Variants in FIRRM observed in about 807,000 individuals in gnomAD.
The protein encoded by FIRRM is FIGNL1-interacting regulator of recombination and mitosis.
the FIRRM span, among the ~76,000 whole-genome samples, chr1:169,835,776 C>T: frequency 6.6e-6 from 1 of 152,148 alleles, no homozygotes; most frequent in African/African-American, 2.4e-5. Flanking sequence ...CACTTACTTA[C>T]TGGACTTTAT....
the FIRRM span, among the ~76,000 whole-genome samples, chr1:169,792,282 G>A: frequency 3.3e-5 from 5 of 152,282 alleles, 1 homozygote; most frequent in Middle Eastern, 3.4e-3. Context: ...AGGATTTCCT[G>A]GGAACAATTT....
chr1:169,833,292 G>A, the FIRRM span, among the ~76,000 whole-genome samples: 55 of 151,956 alleles, frequency 3.6e-4, no homozygotes, highest in Non-Finnish European at 6.8e-4. Context: ...TGGAGGCATG[G>A]GTATGAAGTA....
chr1:169,793,964 A>C, the FIRRM span: 9 of 316,508 alleles, frequency 2.8e-5, no homozygotes, highest in African/African-American at 1.7e-4. Flanking sequence ...ATTTCACTAA[A>C]GTGTAATATT....
At chr1:169,847,313 TAAAAAAA>T in the FIRRM span, among the ~76,000 whole-genome samples, 43 of 86,338 alleles carry the variant, frequency 5.0e-4, no homozygotes, top group African/African-American at 1.1e-3. Context: ...CTTATATTTC[TAAAAAAA>T]AAAAAAAAAA....
At chr1:169,799,290 T>C in the FIRRM span, among the ~76,000 whole-genome samples, 6 of 152,222 alleles carry the variant, frequency 3.9e-5, no homozygotes, top group Non-Finnish European at 7.3e-5. Context: ...GCCTCTAACA[T>C]GTTTAGTGTC....
the FIRRM span, among the ~76,000 whole-genome samples, chr1:169,839,538 G>A: frequency 5.9e-5 from 9 of 152,156 alleles, no homozygotes; most frequent in Admixed American, 5.9e-4. Context: ...GGCCTCTTGT[G>A]TGTCTTGTTT....
At chr1:169,838,983 C>T in the FIRRM span, among the ~76,000 whole-genome samples, 3 of 152,092 alleles carry the variant, frequency 2.0e-5, no homozygotes, top group African/African-American at 7.2e-5. Flanking sequence ...TCTTTATGTC[C>T]ATGAGTGCCC....
the FIRRM span, among the ~76,000 whole-genome samples, chr1:169,819,705 C>T: frequency 3.7e-3 from 555 of 151,740 alleles, 4 homozygotes; most frequent in African/African-American, 0.013. Context: ...CCCTATTACC[C>T]GACTTTAGCC....
chr1:169,849,666 A>G, the FIRRM span: 1 of 1,308,068 alleles, frequency 7.6e-7, no homozygotes, highest in Non-Finnish European at 1.1e-6. Flanking sequence ...CAAATATTCC[A>G]GAACAATCCC....
At chr1:169,824,153 C>G in the FIRRM span, among the ~76,000 whole-genome samples, 1 of 151,032 alleles carries the variant, frequency 6.6e-6, no homozygotes, top group African/African-American at 2.4e-5. Context: ...TCCTGTGTCA[C>G]TGAGGAAAAA....
the FIRRM span, among the ~76,000 whole-genome samples, chr1:169,848,887 G>A: frequency 6.6e-6 from 1 of 152,196 alleles, no homozygotes; most frequent in Non-Finnish European, 1.5e-5. Flanking sequence ...AACATAGGAG[G>A]CATTTAAAGC....
the FIRRM span, among the ~76,000 whole-genome samples, chr1:169,808,843 C>A: frequency 3.3e-5 from 5 of 152,172 alleles, no homozygotes; most frequent in African/African-American, 1.2e-4. Context: ...AGGTGGTCCA[C>A]CCGCCTTGGC....
At chr1:169,842,308 A>T in the FIRRM span, 1 of 1,034,172 alleles carries the variant, frequency 9.7e-7, no homozygotes, top group Non-Finnish European at 1.4e-6. Flanking sequence ...TTCTACATGG[A>T]CTTTATGAAG....
chr1:169,795,724 T>C, the FIRRM span: 2 of 985,362 alleles, frequency 2.0e-6, no homozygotes, highest in Non-Finnish European at 2.4e-6. Flanking sequence ...GTGAAATCTT[T>C]AAAAGATGTT....
At chr1:169,853,636 C>G in the FIRRM span, 37 of 1,522,592 alleles carry the variant, frequency 2.4e-5, no homozygotes, top group Non-Finnish European at 2.9e-5. Context: ...TTTCTTGTCC[C>G]AAAGCCTGCT....
At chr1:169,829,183 C>T in the FIRRM span, 2 of 1,249,936 alleles carry the variant, frequency 1.6e-6, no homozygotes, top group Admixed American at 2.9e-5. Context: ...AAACAACCTT[C>T]CATGTTACAT....
chr1:169,788,537 T>A, the FIRRM span, among the ~76,000 whole-genome samples: 1,194 of 152,306 alleles, frequency 7.8e-3, 15 homozygotes, highest in African/African-American at 0.027. Flanking sequence ...AGTATGCTAT[T>A]AGTGGTTAAG....
chr1:169,807,966 C>G, the FIRRM span: 1 of 1,578,924 alleles, frequency 6.3e-7, no homozygotes, highest in Non-Finnish European at 8.6e-7. Context: ...AACAGCAACT[C>G]TTATTTTCTT....
At chr1:169,812,128 T>C in the FIRRM span, among the ~76,000 whole-genome samples, 1 of 152,240 alleles carries the variant, frequency 6.6e-6, no homozygotes, top group Non-Finnish European at 1.5e-5. Context: ...AATAAAACTC[T>C]AGGTTTAATT....
Sources: gnomAD v4.1 joint callset for allele counts (sites outside exome capture counted in the v4.1 genomes callset) on GRCh38, gnomAD v4.1.1 for gene constraint, MANE v1.5 for transcripts, NCBI Gene and HGNC (gene_info 2026-07-23, HGNC 2026-07-21) for gene names.